The following MTUS1 variants were observed in gnomAD, a reference collection of about 807,000 sequenced individuals.
MTUS1 encodes microtubule-associated tumor suppressor 1.
Under a neutral mutation model 120.8 loss-of-function variants are expected in MTUS1, and 109 were observed. The ratio of observed to expected loss-of-function variants is 0.90; its 90% confidence interval spans 0.77 to 1.06. The LOEUF (loss-of-function observed/expected upper bound fraction) is 1.06. Ranked by LOEUF, MTUS1 falls within the 50% of genes least tolerant of loss-of-function variation. The probability of loss-of-function intolerance (pLI) is 0.00; values close to 1 mark genes in which losing one functional copy is unlikely to be tolerated. For missense variants in MTUS1, 2,210 were observed against 1,486.3 expected (o/e 1.49, Z -8.01); for synonymous variants, 737 against 550.5 (o/e 1.34, Z -4.74).
At chr8:17,788,047 G>A (rs1159441648) in intron 1 of MTUS1, among the ~76,000 whole-genome samples, 1 of 152,186 alleles carries the variant, frequency 6.6e-6, no homozygotes, top group Admixed American at 6.5e-5. Context: ...CTGGAACCCA[G>A]GAGGCAGAGG....
At chr8:17,760,861 C>G (rs1280057481) in intron 1 of MTUS1, among the ~76,000 whole-genome samples, 1 of 149,366 alleles carries the variant, frequency 6.7e-6, no homozygotes, top group African/African-American at 2.5e-5. Context: ...GATAATTTCT[C>G]AAGTTCTCTT....
At position 17,754,822 on chromosome 8, in the gene MTUS1, C is replaced by G; in HGVS notation, c.986G>C (p.Arg329Thr). Residue 329 changes from arginine (R) to threonine (T), a missense_variant, in exon 2 of 15, where the codon AGG becomes ACG. Coordinates refer to ENST00000693296, the MANE Select transcript of MTUS1 (RefSeq NM_001363059.2). The stretch of plus-strand genomic sequence containing the variant: ...CAGATTTTGGCCCATTTCCTTGTGC[C>G]TGTATGAGCTCTGTGAATGTGGTTC... ...NSEPHSQSSY[R>T]HKEMGQNLRE... 6.2e-7 allele frequency: 1 copy of G among 1,614,190 alleles called. No individual in the cohort carries two copies. Among genetic ancestry groups the G allele is most frequent in the Non-Finnish European group, 8.5e-7 (1 of 1,180,024 alleles).
chr8:17,734,392 G>A (rs1028188361), intron 3 of MTUS1: 2 of 152,174 alleles, frequency 1.3e-5, no homozygotes, highest in Non-Finnish European at 2.9e-5. Flanking sequence ...GACAAAGGCA[G>A]AGCAACACAG....
At chr8:17,793,292 C>T (rs188137758) in intron 1 of MTUS1, among the ~76,000 whole-genome samples, 300 of 152,300 alleles carry the variant, frequency 2.0e-3, no homozygotes, top group Admixed American at 4.8e-3. Context: ...CTCTGATGCT[C>T]TGCTCCCAAA....
At chr8:17,787,661 C>T (rs1015424748) in intron 1 of MTUS1, among the ~76,000 whole-genome samples, 1 of 152,190 alleles carries the variant, frequency 6.6e-6, no homozygotes, top group Non-Finnish European at 1.5e-5. Flanking sequence ...AAAACTGATT[C>T]AACAATCCAT....
intron 13 of MTUS1, 48 bp from the exon 14 acceptor site, chr8:17,647,127 A>C (rs558920349): frequency 4.0e-4 from 591 of 1,460,776 alleles, no homozygotes; most frequent in Non-Finnish European, 4.3e-4. Flanking sequence ...TAAAAAAAAA[A>C]CCCCTCATTT....
intron 1 of MTUS1, among the ~76,000 whole-genome samples, chr8:17,784,887 T>G (rs2051175918): frequency 6.6e-6 from 1 of 152,042 alleles, no homozygotes; most frequent in Admixed American, 6.5e-5. Flanking sequence ...CGGCTTCAAG[T>G]GATTCTCGGG....
chr8:17,680,190 G>A (rs1814061763), intron 7 of MTUS1, among the ~76,000 whole-genome samples: 1 of 152,016 alleles, frequency 6.6e-6, no homozygotes, highest in Admixed American at 6.6e-5. Flanking sequence ...TGGACTGGGA[G>A]TGGTGGATCA....
chr8:17,755,369 T>A lies in MTUS1; in HGVS notation c.439A>T (p.Asn147Tyr). 6.2e-7 allele frequency: 1 copy of A among 1,614,162 alleles called. No individual in the cohort carries two copies. Reference sequence around the variant, plus strand: ...AAGGCATCACAGTAGCCTGCACAGTTCAAATTGTCATTAGGCTTCCACACA... The same window carrying A: ...AAGGCATCACAGTAGCCTGCACAGTACAAATTGTCATTAGGCTTCCACACA... ...PFVWKPNDNL[N>Y]CAGYCDALEL... is the part of the protein sequence containing the mutation. The change falls in exon 2 of 15, where the codon AAC becomes TAC. Residue 147 changes from asparagine (N) to tyrosine (Y), a missense_variant. Asn to Tyr is a moderately radical substitution (Grantham distance 143). Coordinates refer to ENST00000693296, the MANE Select transcript of MTUS1 (RefSeq NM_001363059.2).
chr8:17,698,915 C>G (rs2979789), intron 6 of MTUS1, among the ~76,000 whole-genome samples: 1 of 151,982 alleles, frequency 6.6e-6, no homozygotes, highest in Admixed American at 6.5e-5. Context: ...AAATCAAGGC[C>G]AGCTGCTTCT....
Position 17,671,193 on chromosome 8 carries a change from T to G in MTUS1, c.2905+3993A>C, listed in dbSNP as rs145129771. Among the ~76,000 whole-genome samples the G allele has an allele frequency of 2.9e-3, 441 of 152,102 alleles. 2 individuals are homozygous for G. The highest frequency in any genetic ancestry group is 9.7e-3 in the African/African-American group (404 of 41,516). On this transcript the variant is annotated intron_variant, in intron 8 of 14. Transcript: ENST00000693296. ...TCATATAAACTAAGAAAAGGGAATA[T>G]GCAAATAAAGTTATGTCAGGGCAGT...
intron 8 of MTUS1, among the ~76,000 whole-genome samples, chr8:17,657,058 C>CAAAAA (rs1219286349): frequency 1.1e-4 from 6 of 56,690 alleles, no homozygotes; most frequent in African/African-American, 1.7e-4. Flanking sequence ...GATTCTGTCT[C>CAAAAA]AAAAAAAAAA....
intron 3 of MTUS1, among the ~76,000 whole-genome samples, chr8:17,726,379 T>C (rs1334367750): frequency 6.6e-6 from 1 of 152,170 alleles, no homozygotes; most frequent in East Asian, 1.9e-4. Context: ...TATCACAGCA[T>C]TTGCCTCCAC....
At chr8:17,774,989 A>AAAC (rs2050303894) in intron 1 of MTUS1, among the ~76,000 whole-genome samples, 2 of 151,080 alleles carry the variant, frequency 1.3e-5, no homozygotes, top group South Asian at 4.2e-4. Context: ...AAAAAAAAAA[A>AAAC]AAAACCAGAA....
chr8:17,790,340 T>G (rs1409830478), intron 1 of MTUS1, among the ~76,000 whole-genome samples: 7 of 90,286 alleles, frequency 7.8e-5, no homozygotes, highest in Non-Finnish European at 2.0e-4. Flanking sequence ...AGAGCAAGAT[T>G]CCCTTTCAAA....
rs187310347 is a variant in MTUS1, at chr8:17,788,643, T to C, written c.-155+12418A>G. Among the ~76,000 whole-genome samples the C allele has an allele frequency of 3.3e-4, 50 of 152,272 alleles. 1 individual carries two copies. The highest frequency in any genetic ancestry group is 1.0e-3 in the African/African-American group (43 of 41,548). The stretch of plus-strand genomic sequence containing the variant: ...TCCTAACTCAGCCGACTTCTGAGAA[T>C]CTCAACTATATTTCTCAATCTAAGT... On this transcript the variant is annotated intron_variant, in intron 1 of 14. Transcript: ENST00000693296.
intron 1 of MTUS1, among the ~76,000 whole-genome samples, chr8:17,775,869 A>C (rs992100666): frequency 2.6e-5 from 4 of 152,216 alleles, no homozygotes; most frequent in Non-Finnish European, 5.9e-5. Flanking sequence ...CCCGATACTG[A>C]GTCGCATGAC....
intron 3 of MTUS1, among the ~76,000 whole-genome samples, chr8:17,730,485 T>TAAAAA (rs56305317): frequency 1.6e-5 from 2 of 122,816 alleles, no homozygotes; most frequent in Non-Finnish European, 1.7e-5. Flanking sequence ...ACTCTGTCTT[T>TAAAAA]AAAAAAAAAA....
chr8:17,726,609 G>C (rs985519182), intron 3 of MTUS1, among the ~76,000 whole-genome samples: 15 of 152,032 alleles, frequency 9.9e-5, no homozygotes, highest in African/African-American at 3.6e-4. Context: ...ATTTTTACAA[G>C]CTTATTTGAA....
Sources: allele counts gnomAD v4.1 joint callset (sites outside exome capture counted in the v4.1 genomes callset), GRCh38; gene constraint gnomAD v4.1.1; transcripts MANE v1.5; gene names NCBI Gene and HGNC (gene_info 2026-07-23, HGNC 2026-07-21).